Variants in CRADD observed in about 807,000 individuals in gnomAD.
The protein encoded by CRADD is CARD and death domain containing adaptor protein.
CRADD carries 9 observed loss-of-function variants against 15.5 expected under a neutral mutation model. The ratio of observed to expected loss-of-function variants is 0.58; its 90% CI spans 0.35 to 1.01. CRADD has a LOEUF of 1.01. CRADD is among the 50% of genes least tolerant of loss of function. The probability of loss-of-function intolerance (pLI) is 0.02; values close to 1 mark genes in which losing one functional copy is unlikely to be tolerated. For missense variants in CRADD, 227 were observed against 250.3 expected, an observed-to-expected ratio of 0.91 and a Z score of 0.63; for synonymous variants, 118 against 107.6, an observed-to-expected ratio of 1.10 and a Z score of -0.60.
At chr12:93,711,055 C>CTTT (rs397850463) in intron 2 of CRADD, among the ~76,000 whole-genome samples, 1 of 43,498 alleles carries the variant, frequency 2.3e-5, no homozygotes, top group African/African-American at 8.5e-5. Context: ...CCACCCCCGC[C>CTTT]TTTTTTTTTT....
intron 2 of CRADD, among the ~76,000 whole-genome samples, chr12:93,857,835 A>G (rs984789906): frequency 2.6e-5 from 4 of 152,256 alleles, no homozygotes; most frequent in Non-Finnish European, 4.4e-5. Context: ...CTTTACAACC[A>G]GAGCCCCCAG....
At position 93,850,476 on chromosome 12, in the gene CRADD, T is replaced by C. The variant is rs1958205823; in HGVS notation, c.*205T>C. 1.5e-6 allele frequency: 2 copies of C among 1,320,262 alleles called. No individual in the cohort carries two copies. Among genetic ancestry groups the C allele is most frequent in the Non-Finnish European group, 1.9e-6 (2 of 1,040,974 alleles). The allele number at this position is 1,320,262 out of a possible 1,614,324, so 81.8% of individuals were successfully genotyped here. A position where few individuals can be genotyped will look rare whatever the true frequency, so the allele number is the denominator to read the frequency against. On this transcript the variant is annotated 3_prime_UTR_variant, in exon 3 of 3. Transcript: ENST00000332896. This position sits in a 1 kb window ranked among gnomAD's most constrained non-coding sequence, Gnocchi z 4.0. ...ATCTCCCATGTTGGCTCAACAATTC[T>C]TTGTTTTTAATTGCTTGAAGATTGC...
intron 2 of CRADD, among the ~76,000 whole-genome samples, chr12:93,881,622 C>T (rs541196241): frequency 6.6e-6 from 1 of 152,252 alleles, no homozygotes; most frequent in East Asian, 1.9e-4. Context: ...AGAGAAGGTA[C>T]TGTTGGTATT....
At chr12:93,877,093 G>A (rs568309524) in intron 2 of CRADD, among the ~76,000 whole-genome samples, 2 of 152,300 alleles carry the variant, frequency 1.3e-5, no homozygotes, top group East Asian at 3.9e-4. Flanking sequence ...GATGGCCATG[G>A]GACAAGATCT....
chr12:93,729,574 G>A (rs551143943), intron 2 of CRADD, among the ~76,000 whole-genome samples: 12 of 152,108 alleles, frequency 7.9e-5, no homozygotes, highest in Admixed American at 6.6e-4. Context: ...ATCACCTGAG[G>A]TTGGAGTTTG....
Position 93,850,004 on chromosome 12 carries a change from C to A in CRADD, c.333C>A (p.Leu111=), listed in dbSNP as rs1958192562. ...DRLTGIPSHI[L]NSSPSDRQIN... ...TGACTGGGATCCCCTCGCACATCCT[C>A]AACAGCTCCCCATCAGACCGGCAGA... Residue 111 remains leucine (L), a synonymous_variant, in exon 3 of 3, where the codon CTC becomes CTA. Transcript: ENST00000332896. This position sits in a 1 kb window ranked among gnomAD's most constrained non-coding sequence, Gnocchi z 4.0. The A allele has an allele frequency of 6.2e-7, 1 of 1,611,076 alleles. No individual in the cohort carries two copies. Among genetic ancestry groups the A allele is most frequent in the Non-Finnish European group, 8.5e-7 (1 of 1,177,264 alleles).
At chr12:93,888,984 G>T (rs1781895258) in intron 2 of CRADD, among the ~76,000 whole-genome samples, 1 of 152,164 alleles carries the variant, frequency 6.6e-6, no homozygotes, top group Admixed American at 6.5e-5. Flanking sequence ...GAGGAGTGGT[G>T]GGGTACAGCC....
chr12:93,722,039 C>T (rs566850546), intron 2 of CRADD, among the ~76,000 whole-genome samples: 8 of 152,294 alleles, frequency 5.3e-5, no homozygotes, highest in Admixed American at 4.6e-4. Flanking sequence ...TGCCAACAAA[C>T]TCTGTCAATT....
intron 2 of CRADD, among the ~76,000 whole-genome samples, chr12:93,893,186 G>T (rs1324250841): frequency 6.6e-6 from 1 of 152,182 alleles, no homozygotes; most frequent in Non-Finnish European, 1.5e-5. Context: ...CTTGAAAGCT[G>T]GAGGGGTGAA....
chr12:93,711,134 AT>A (rs1363162814), intron 2 of CRADD, among the ~76,000 whole-genome samples: 1 of 148,020 alleles, frequency 6.8e-6, no homozygotes, highest in Non-Finnish European at 1.5e-5. Context: ...AGAGGTTGAA[AT>A]CAAAAGCCAA....
intron 2 of CRADD, among the ~76,000 whole-genome samples, chr12:93,782,487 T>C (rs1301648057): frequency 2.0e-5 from 3 of 149,822 alleles, no homozygotes; most frequent in African/African-American, 7.4e-5. Flanking sequence ...AAACTTAAAG[T>C]ATAATTAAAA....
chr12:93,792,968 A>G (rs1592995234), intron 2 of CRADD, among the ~76,000 whole-genome samples: 1 of 152,214 alleles, frequency 6.6e-6, no homozygotes, highest in East Asian at 1.9e-4. Context: ...AAATCTTTGT[A>G]TCTAGGATCA....
At chr12:93,819,779 A>G (rs1399296362) in intron 2 of CRADD, among the ~76,000 whole-genome samples, 1 of 152,202 alleles carries the variant, frequency 6.6e-6, no homozygotes, top group East Asian at 1.9e-4. Flanking sequence ...AATCAGTGAA[A>G]AATCTTCTTC....
chr12:93,685,077 T>A (rs938368176), intron 2 of CRADD, among the ~76,000 whole-genome samples: 9 of 152,350 alleles, frequency 5.9e-5, no homozygotes, highest in Admixed American at 5.9e-4. Flanking sequence ...CTGTTTCAGT[T>A]CGGTAAGAAT....
intron 2 of CRADD, among the ~76,000 whole-genome samples, chr12:93,764,732 GGT>G (rs528553274): frequency 2.1e-3 from 203 of 94,936 alleles, no homozygotes; most frequent in South Asian, 6.1e-3. Flanking sequence ...TCATATTTTT[GGT>G]TTTTTTTTTT....
intron 2 of CRADD, among the ~76,000 whole-genome samples, chr12:93,888,546 GATGATCAT>G (rs1378550890): frequency 6.6e-6 from 1 of 152,112 alleles, no homozygotes; most frequent in Non-Finnish European, 1.5e-5. Flanking sequence ...ATGAGGATAA[GATGATCAT>G]ATGTGTGTTT....
intron 2 of CRADD, among the ~76,000 whole-genome samples, chr12:93,721,066 C>T (rs1956252183): frequency 6.6e-6 from 1 of 151,888 alleles, no homozygotes; most frequent in African/African-American, 2.4e-5. Flanking sequence ...ATTCCATTTT[C>T]TCTTTTGTAA....
rs148250675 is a variant in CRADD at position 93,812,859 on chromosome 12, G to A, written c.299-37111G>A. Among the ~76,000 whole-genome samples the A allele has an allele frequency of 1.3e-3, 200 of 152,220 alleles. 1 individual carries two copies. Among genetic ancestry groups the A allele is most frequent in the Middle Eastern group, 3.4e-3 (1 of 294 alleles). Reference sequence around the variant, plus strand: ...GGACTTGGTTAGTTATAATGCTATCGCAATATACCGCATCTTGAGTTGATT... The same window carrying A: ...GGACTTGGTTAGTTATAATGCTATCACAATATACCGCATCTTGAGTTGATT... On this transcript the variant is annotated intron_variant, in intron 2 of 2. Coordinates refer to ENST00000332896, the MANE Select transcript of CRADD (RefSeq NM_003805.5).
chr12:93,880,784 G>A (rs898875421), intron 2 of CRADD, among the ~76,000 whole-genome samples: 8 of 152,206 alleles, frequency 5.3e-5, no homozygotes, highest in Admixed American at 2.6e-4. Context: ...TCTGCCTTTC[G>A]GTTGCTCCCA....
Sources: gnomAD v4.1 joint callset for allele counts (sites outside exome capture counted in the v4.1 genomes callset) on GRCh38, gnomAD v4.1.1 for gene constraint, Gnocchi (gnomAD v3.1) non-coding constraint, MANE v1.5 for transcripts, NCBI Gene and HGNC (gene_info 2026-07-23, HGNC 2026-07-21) for gene names.